FRMPD4: variants seen among roughly 807,000 people sequenced by gnomAD.
FRMPD4 encodes FERM and PDZ domain containing 4.
Under a neutral mutation model 94.1 loss-of-function variants are expected in FRMPD4, and 22 were observed. The observed-to-expected ratio is 0.23, with a 90% CI of 0.17 to 0.33. The LOEUF (loss-of-function observed/expected upper bound fraction) is 0.33. Ranked by LOEUF, FRMPD4 falls within the 10% of genes least tolerant of loss-of-function variation. FRMPD4 has a pLI of 1.00. For synonymous variants in FRMPD4, 631 were observed against 548.6 expected (o/e 1.15, Z -2.10); for missense variants, 1,111 against 1,339.9 (o/e 0.83, Z 2.67).
rs368637471 is a variant in FRMPD4 at position 12,721,132 on chromosome X, G to C, written c.4563G>C (p.Arg1521Ser). Residue 1521 changes from arginine to serine, a missense_variant, in exon 17 of 17, where the codon AGG (arginine) becomes AGC (serine). Physicochemically the swap from Arg to Ser is moderately radical, Grantham distance 110. Around this residue, in one of 8 missense-constraint regions of FRMPD4, gnomAD observed 551 missense variants for 591.6 expected, o/e 0.93. Transcript: ENST00000675598. Reference protein sequence around the residue: ...QDEDGEEEEERGEATVQVSCL... With the variant: ...QDEDGEEEEESGEATVQVSCL... ...AAGATGGTGAGGAAGAAGAGGAGAG[G>C]GGAGAGGCCACCGTCCAGGTCTCTT... The C allele has an allele frequency of 2.4e-5, 18 of 754,709 alleles. No individual in the cohort carries two copies. The East Asian group carries it at 7.6e-4, about 32-fold the overall frequency. The allele number at this position is 754,709 out of a possible 1,213,427, so 62.2% of individuals were successfully genotyped here.
At chrX:12,378,813 C>A (rs934412317) in intron 1 of FRMPD4, among the ~76,000 whole-genome samples, 1 of 111,946 alleles carries the variant, frequency 8.9e-6, no homozygotes, top group Non-Finnish European at 1.9e-5. Flanking sequence ...CCCAAGTACT[C>A]AGAACTTTAT....
intron 2 of FRMPD4, among the ~76,000 whole-genome samples, chrX:12,529,425 T>G (rs747118901): frequency 8.9e-6 from 1 of 112,844 alleles, no homozygotes; most frequent in Non-Finnish European, 1.9e-5. Context: ...CATATTCTGT[T>G]AGTTAGAAGC....
At chrX:12,121,583 C>T (rs1369109967) in intron 3 of FRMPD4, among the ~76,000 whole-genome samples, 1 of 111,808 alleles carries the variant, frequency 8.9e-6, no homozygotes, top group Non-Finnish European at 1.9e-5. Flanking sequence ...CATATTGTAA[C>T]TTTCCCTGAT....
At chrX:12,571,975 A>G (rs931255876) in intron 2 of FRMPD4, among the ~76,000 whole-genome samples, 1 of 112,485 alleles carries the variant, frequency 8.9e-6, no homozygotes, top group Admixed American at 9.4e-5. Flanking sequence ...AAAGGAAAAC[A>G]TAAGATTAAT....
At position 12,718,769 on chromosome X, in the gene FRMPD4, C is replaced by T. The variant is rs768665534; in HGVS notation, c.3943C>T (p.Pro1315Ser). The change falls in exon 16 of 17, where the codon CCC (proline) becomes TCC (serine). Residue 1315 changes from proline (P) to serine (S), a missense_variant. By Grantham distance (74) the Pro-to-Ser change is moderately conservative (BLOSUM62 -1). Coordinates refer to ENST00000675598, the MANE Select transcript of FRMPD4 (RefSeq NM_001368397.1). Reference protein sequence around the residue: ...GTLRDGCHRLPKIKETTALTE... With the variant: ...GTLRDGCHRLSKIKETTALTE... ...ATTGAGAGATGGATGCCATCGGCTCCCCAAGATTAAGGAAACCACAGGTAC... is the reference window on the plus strand; with the variant it reads ...ATTGAGAGATGGATGCCATCGGCTCTCCAAGATTAAGGAAACCACAGGTAC... 2 of 1,197,046 alleles carry T rather than the reference C, an allele frequency of 1.7e-6. No individual in the cohort carries two copies. Among genetic ancestry groups the T allele is most frequent in the South Asian group, 3.5e-5 (2 of 56,437 alleles).
intron 1 of FRMPD4, among the ~76,000 whole-genome samples, chrX:12,493,548 C>G (rs2057813212): frequency 8.9e-6 from 1 of 111,792 alleles, no homozygotes; most frequent in Non-Finnish European, 1.9e-5. Context: ...GCTACCTGTC[C>G]AAAATATTAC....
chrX:12,662,650 C>T (rs6641068), intron 4 of FRMPD4, among the ~76,000 whole-genome samples: 27,932 of 111,258 alleles, frequency 0.25, 2,794 homozygotes, highest in East Asian at 0.58. Context: ...TGAACAGTGC[C>T]GCAATAAACA....
At chrX:12,077,036 C>T (rs768766478) in intron 3 of FRMPD4, among the ~76,000 whole-genome samples, 51 of 111,641 alleles carry the variant, frequency 4.6e-4, no homozygotes, top group African/African-American at 1.5e-3. Flanking sequence ...CTGCCAGCAC[C>T]CTTTTCCTCT....
chrX:12,059,643 G>A (rs2054873972), intron 3 of FRMPD4, among the ~76,000 whole-genome samples: 1 of 107,922 alleles, frequency 9.3e-6, no homozygotes, highest in South Asian at 4.3e-4. Context: ...AGTCCCCAGT[G>A]TCGATTGTTG....
At chrX:12,024,523 A>G (rs1053128594) in intron 3 of FRMPD4, among the ~76,000 whole-genome samples, 1 of 112,136 alleles carries the variant, frequency 8.9e-6, no homozygotes, top group Admixed American at 9.4e-5. Flanking sequence ...CATTTTAAGC[A>G]TATAGACAGA....
At chrX:12,577,415 G>A (rs2058822423) in intron 2 of FRMPD4, among the ~76,000 whole-genome samples, 2 of 111,032 alleles carry the variant, frequency 1.8e-5, no homozygotes, top group South Asian at 7.7e-4. Context: ...TTGAATTGGT[G>A]TGGGTGGTCT....
intron 2 of FRMPD4, among the ~76,000 whole-genome samples, chrX:12,522,864 T>C (rs1437208183): frequency 9.0e-6 from 1 of 111,583 alleles, no homozygotes; most frequent in Non-Finnish European, 1.9e-5. Flanking sequence ...CTGCCTCCCA[T>C]AGCGCTGGGA....
At chrX:11,823,709 C>G (rs2053424797) in intron 1 of FRMPD4, among the ~76,000 whole-genome samples, 1 of 111,816 alleles carries the variant, frequency 8.9e-6, no homozygotes, top group South Asian at 3.7e-4. Context: ...TCCAATAAAG[C>G]TTTATTTGCA....
intron 2 of FRMPD4, among the ~76,000 whole-genome samples, chrX:12,557,113 T>G (rs979692558): frequency 8.9e-6 from 1 of 112,170 alleles, no homozygotes; most frequent in African/African-American, 3.2e-5. Context: ...CCAGGGCATA[T>G]AAGTTTATTA....
intron 2 of FRMPD4, among the ~76,000 whole-genome samples, chrX:12,507,967 AG>A (rs1298987046): frequency 1.8e-5 from 2 of 112,079 alleles, no homozygotes; most frequent in African/African-American, 3.2e-5. Flanking sequence ...AAATGATAGC[AG>A]GGGGCAGCCC....
intron 4 of FRMPD4, among the ~76,000 whole-genome samples, chrX:12,642,621 A>G (rs1425347456): frequency 8.8e-6 from 1 of 113,050 alleles, no homozygotes; most frequent in Non-Finnish European, 1.9e-5. Context: ...TATAGCCACC[A>G]CTGGGCATGG....
intron 2 of FRMPD4, among the ~76,000 whole-genome samples, chrX:12,557,682 A>T (rs1281592717): frequency 8.9e-6 from 1 of 111,806 alleles, no homozygotes; most frequent in African/African-American, 3.3e-5. Flanking sequence ...GAAATTCTCC[A>T]GTCCTATCTC....
rs778561089 is a variant in FRMPD4, at chrX:12,095,262, C to A, written c.95+217244C>A. On this transcript the variant is annotated intron_variant, in intron 3 of 18. Coordinates refer to the FRMPD4 transcript ENST00000640291. Reference sequence around the variant, plus strand: ...ACATGGTGGTACATGCTTGCGGTCCCAGCTACTCGAGAGGCTGTGGTGGGA... The same window carrying A: ...ACATGGTGGTACATGCTTGCGGTCCAAGCTACTCGAGAGGCTGTGGTGGGA... Among the ~76,000 whole-genome samples, 330 of 108,547 alleles carry A rather than the reference C, an allele frequency of 3.0e-3. 1 individual carries two copies. Among genetic ancestry groups the A allele is most frequent in the Non-Finnish European group, 4.8e-3 (252 of 52,384 alleles). 94.3% of individuals were successfully genotyped at this position (108,547 alleles called of 115,157 possible).
chrX:11,841,125 T>A (rs748779100), intron 1 of FRMPD4, among the ~76,000 whole-genome samples: 3 of 109,908 alleles, frequency 2.7e-5, no homozygotes, highest in African/African-American at 1.0e-4. Flanking sequence ...ATGTGCCACA[T>A]TTTCTTAATC....
Sources: gnomAD v4.1 joint callset for allele counts (sites outside exome capture counted in the v4.1 genomes callset) on GRCh38, gnomAD v4.1.1 for gene constraint, gnomAD v4.1.1 regional missense constraint, MANE v1.5 for transcripts, NCBI Gene and HGNC (gene_info 2026-07-23, HGNC 2026-07-21) for gene names.